The following EML5 variants were observed in gnomAD, a reference collection of about 807,000 sequenced individuals.
The protein encoded by EML5 is EMAP like 5.
A neutral mutation model predicts 250.0 loss-of-function variants in EML5; 120 were observed. That is an observed-to-expected ratio of 0.48 (90% CI 0.41 to 0.56). The LOEUF is 0.56. Ranked by LOEUF, EML5 falls within the 20% of genes least tolerant of loss-of-function variation. The probability of loss-of-function intolerance (pLI) is 0.00; values close to 1 mark genes in which losing one functional copy is unlikely to be tolerated. For synonymous variants in EML5, 771 were observed against 806.5 expected, an observed-to-expected ratio of 0.96 and a Z score of 0.75; for missense variants, 2,006 against 2,437.6, an observed-to-expected ratio of 0.82 and a Z score of 3.73.
chr14:88,641,018 G>A (rs1029884115), intron 31 of EML5, among the ~76,000 whole-genome samples: 23 of 152,112 alleles, frequency 1.5e-4, no homozygotes, highest in African/African-American at 5.5e-4. Context: ...AAATCTAGAG[G>A]AGATGGATAA....
In EML5 at chr14:88,620,513, A is replaced by G; in HGVS notation, c.5375+241T>C. On this transcript the variant is annotated intron_variant, in intron 39 of 43. Coordinates refer to ENST00000554922, the MANE Select transcript of EML5 (RefSeq NM_183387.3). This position sits in a 1 kb window ranked among gnomAD's most constrained non-coding sequence, Gnocchi z 4.3. Reference sequence around the variant, plus strand: ...ACTTAATGGACATGGCTAAGTGTTAACATGAATTCATCAAACATTACCTAC... The same window carrying G: ...ACTTAATGGACATGGCTAAGTGTTAGCATGAATTCATCAAACATTACCTAC... The G allele has an allele frequency of 2.8e-6, 1 of 353,688 alleles. No individual in the cohort carries two copies. The allele number at this position is 353,688 out of a possible 1,614,324, so 21.9% of individuals were successfully genotyped here.
rs372620794 is a variant in EML5, at chr14:88,638,841, T to C, written c.4304A>G (p.Lys1435Arg). Residue 1435 changes from lysine to arginine, a missense_variant, in exon 32 of 44, where the codon AAA (lysine) becomes AGA (arginine). Physicochemically the swap from Lys to Arg is conservative, Grantham distance 26 (BLOSUM62 2). This residue lies in a region of EML5 where 1,375 missense variants were observed against 1,590.3 expected (regional missense o/e 0.86). Transcript: ENST00000554922. The stretch of plus-strand genomic sequence containing the variant: ...GCCAGTTGCCACTATGTTGATAAAT[T>C]TGGGGTGCTGGTTTACTGTGAGGCA... ...ILCLTVNQHP[K>R]FINIVATGQV... 1 of 1,597,402 alleles carries C rather than the reference T, an allele frequency of 6.3e-7. No individual in the cohort carries two copies. Among genetic ancestry groups the C allele is most frequent in the South Asian group, 1.1e-5 (1 of 87,632 alleles).
intron 20 of EML5, among the ~76,000 whole-genome samples, chr14:88,684,439 G>A: frequency 6.9e-6 from 1 of 144,792 alleles, no homozygotes; most frequent in Non-Finnish European, 1.5e-5. Flanking sequence ...CAAAGTGCTG[G>A]GATTACAGGC....
intron 34 of EML5, 121 bp from the exon 35 acceptor site, chr14:88,627,167 C>T: frequency 2.3e-6 from 2 of 885,396 alleles, no homozygotes; most frequent in South Asian, 1.5e-5. Context: ...GCCAATGGCC[C>T]CTGCTCTACT....
At chr14:88,719,563 T>C (rs10143829) in intron 8 of EML5, among the ~76,000 whole-genome samples, 3,922 of 152,258 alleles carry the variant, frequency 0.026, 158 homozygotes, top group African/African-American at 0.089. Flanking sequence ...TCTGAGGAGT[T>C]TGCTGTTGAT....
intron 28 of EML5, among the ~76,000 whole-genome samples, chr14:88,647,499 C>A (rs1000106323): frequency 2.0e-5 from 3 of 151,872 alleles, no homozygotes; most frequent in Non-Finnish European, 4.4e-5. Flanking sequence ...GAGTTTGAGA[C>A]CAGCCTGGGC....
intron 1 of EML5, among the ~76,000 whole-genome samples, chr14:88,762,546 A>G (rs971066618): frequency 3.3e-5 from 5 of 151,798 alleles, no homozygotes; most frequent in African/African-American, 1.2e-4. Flanking sequence ...AGAGATTTAG[A>G]CTCCCACACA....
At chr14:88,755,829 C>T (rs1418900992) in intron 1 of EML5, among the ~76,000 whole-genome samples, 1 of 149,548 alleles carries the variant, frequency 6.7e-6, no homozygotes, top group Admixed American at 6.7e-5. Flanking sequence ...ATTGTCTCTA[C>T]AAAAAAAAAA....
intron 17 of EML5, among the ~76,000 whole-genome samples, chr14:88,689,713 G>A (rs551289960): frequency 4.0e-4 from 61 of 152,168 alleles, no homozygotes; most frequent in African/African-American, 1.5e-3. Flanking sequence ...CAGCCTGCGT[G>A]ACAGAGCAAA....
chr14:88,763,655 A>G (rs2094280756), intron 1 of EML5, among the ~76,000 whole-genome samples: 1 of 152,232 alleles, frequency 6.6e-6, no homozygotes, highest in African/African-American at 2.4e-5. Flanking sequence ...AACCCATTTT[A>G]TGAGGCCGGC....
chr14:88,728,421 G>A (rs2093700133), intron 7 of EML5, among the ~76,000 whole-genome samples: 1 of 152,136 alleles, frequency 6.6e-6, no homozygotes, highest in Non-Finnish European at 1.5e-5. Flanking sequence ...TTGACTGGAA[G>A]TCTTATCAAT....
chr14:88,700,956 G>GT (rs988711057), intron 14 of EML5, among the ~76,000 whole-genome samples: 48 of 150,664 alleles, frequency 3.2e-4, no homozygotes, highest in East Asian at 5.8e-4. Flanking sequence ...AATAAGCTGG[G>GT]TTTTTTTTTG....
At chr14:88,617,612 TAAA>T (rs1300261036) in intron 41 of EML5, 2 of 152,100 alleles carry the variant, frequency 1.3e-5, no homozygotes, top group Non-Finnish European at 2.9e-5. Flanking sequence ...TCTACAAAAA[TAAA>T]AATGACTTAT....
intron 36 of EML5, chr14:88,623,762 G>C (rs2089475171): frequency 6.6e-6 from 1 of 152,204 alleles, no homozygotes; most frequent in African/African-American, 2.4e-5. Context: ...TCCCTATCAG[G>C]TGTTAAAATA....
chr14:88,714,680 G>A (rs900577794), intron 9 of EML5, among the ~76,000 whole-genome samples: 2 of 151,996 alleles, frequency 1.3e-5, no homozygotes, highest in African/African-American at 2.4e-5. Context: ...AATTTTTAAT[G>A]TCAATTATAC....
chr14:88,660,443 A>C (rs1752260855), intron 25 of EML5, among the ~76,000 whole-genome samples: 1 of 152,130 alleles, frequency 6.6e-6, no homozygotes, highest in African/African-American at 2.4e-5. Context: ...AGGTACGTAG[A>C]ATGCCAAAGA....
intron 21 of EML5, among the ~76,000 whole-genome samples, chr14:88,668,017 G>T (rs1337898647): frequency 1.3e-5 from 2 of 152,054 alleles, no homozygotes; most frequent in Non-Finnish European, 2.9e-5. Context: ...AAGCTTTTTC[G>T]CCACAAGCTC....
intron 31 of EML5, among the ~76,000 whole-genome samples, chr14:88,641,489 T>C (rs2091062560): frequency 6.6e-6 from 1 of 152,176 alleles, no homozygotes; most frequent in Non-Finnish European, 1.5e-5. Flanking sequence ...GCAGGTTTCA[T>C]CATTCCTGGC....
intron 11 of EML5, chr14:88,705,884 C>T (rs957911128): frequency 5.2e-6 from 3 of 571,814 alleles, no homozygotes; most frequent in Non-Finnish European, 6.5e-6. Context: ...CTATAATTAA[C>T]ATGAAAAATA....
Sources: allele counts gnomAD v4.1 joint callset (sites outside exome capture counted in the v4.1 genomes callset), GRCh38; gene constraint gnomAD v4.1.1; regional missense constraint gnomAD v4.1.1; non-coding constraint Gnocchi (gnomAD v3.1); transcripts MANE v1.5; gene names NCBI Gene and HGNC (gene_info 2026-07-23, HGNC 2026-07-21).